Variants in TNS3 observed in about 807,000 individuals in gnomAD.
TNS3 encodes tensin-3.
In TNS3, 45 loss-of-function variants were observed where a neutral mutation model predicts 140.9. That is an observed-to-expected ratio of 0.32 (90% confidence interval 0.25 to 0.41). TNS3 has a LOEUF of 0.41. TNS3 is among the 10% of genes least tolerant of loss of function. The pLI, the probability that TNS3 is intolerant of heterozygous loss-of-function variation, is 1.00. For missense variants in TNS3, 1,716 were observed against 1,906.7 expected, an observed-to-expected ratio of 0.90 and a Z score of 1.86; for synonymous variants, 815 against 788.4, an observed-to-expected ratio of 1.03 and a Z score of -0.56.
intron 4 of TNS3, among the ~76,000 whole-genome samples, chr7:47,475,111 A>T (rs1797139492): frequency 1.3e-5 from 2 of 151,894 alleles, no homozygotes; most frequent in African/African-American, 4.8e-5. Context: ...ACACACAAAC[A>T]CAACATACAC....
At chr7:47,503,489 A>T (rs1473005) in intron 3 of TNS3, among the ~76,000 whole-genome samples, 52,989 of 151,876 alleles carry the variant, frequency 0.35, 10,728 homozygotes, top group Non-Finnish European at 0.46. Flanking sequence ...TGATGCCCAC[A>T]CAGCTCATGT....
chr7:47,520,911 T>C (rs1444615764), intron 2 of TNS3, among the ~76,000 whole-genome samples: 3 of 152,198 alleles, frequency 2.0e-5, no homozygotes, highest in African/African-American at 7.2e-5. Context: ...TGGAAAGAAC[T>C]TTGGAAATAA....
chr7:47,495,802 A>G (rs1028284732), intron 3 of TNS3, among the ~76,000 whole-genome samples: 1 of 152,240 alleles, frequency 6.6e-6, no homozygotes, highest in African/African-American at 2.4e-5. Flanking sequence ...TGCACTGCAT[A>G]TGGTGTCTAA....
intron 13 of TNS3, among the ~76,000 whole-genome samples, chr7:47,402,318 C>T (rs1219720490): frequency 6.6e-6 from 1 of 152,202 alleles, no homozygotes; most frequent in East Asian, 1.9e-4. Flanking sequence ...CTGGCGCTGG[C>T]CAGCGGTGCT....
At chr7:47,533,726 T>G (rs1160194172) in intron 1 of TNS3, among the ~76,000 whole-genome samples, 1 of 152,078 alleles carries the variant, frequency 6.6e-6, no homozygotes, top group African/African-American at 2.4e-5. Flanking sequence ...CGGCAGGTCT[T>G]TCCTGTGCTG....
chr7:47,480,814 C>T (rs1231980314), intron 4 of TNS3, among the ~76,000 whole-genome samples: 1 of 152,174 alleles, frequency 6.6e-6, no homozygotes, highest in Non-Finnish European at 1.5e-5. Flanking sequence ...CACTTTATAG[C>T]CAAGGAAACT....
intron 3 of TNS3, among the ~76,000 whole-genome samples, chr7:47,492,825 C>A (rs1021456151): frequency 2.0e-5 from 3 of 152,252 alleles, no homozygotes; most frequent in Non-Finnish European, 4.4e-5. Flanking sequence ...CCACGCCAGC[C>A]TCATGCTGAG....
intron 17 of TNS3, among the ~76,000 whole-genome samples, chr7:47,350,224 A>G (rs1789584359): frequency 6.6e-6 from 1 of 152,192 alleles, no homozygotes; most frequent in East Asian, 1.9e-4. Context: ...CCTGGGAACA[A>G]GATGGCTACC....
intron 20 of TNS3, among the ~76,000 whole-genome samples, chr7:47,328,135 G>A (rs572177230): frequency 7.2e-4 from 110 of 152,236 alleles, no homozygotes; most frequent in African/African-American, 2.6e-3. Flanking sequence ...CACCCAGGCA[G>A]GGCTCTGTGT....
intron 20 of TNS3, 29 bp downstream of exon 20, chr7:47,344,726 C>T (rs762907439): frequency 6.1e-5 from 97 of 1,596,212 alleles, no homozygotes; most frequent in Non-Finnish European, 7.9e-5. Flanking sequence ...GAGTGCCGCG[C>T]GCCTGTGACC....
chr7:47,479,811 T>TC (rs779570642), intron 4 of TNS3, among the ~76,000 whole-genome samples: 215 of 152,312 alleles, frequency 1.4e-3, no homozygotes, highest in Non-Finnish European at 2.9e-3. Flanking sequence ...GACCCTGTAG[T>TC]CCCTCTTCTC....
intron 4 of TNS3, among the ~76,000 whole-genome samples, chr7:47,445,903 G>A (rs1795705031): frequency 6.6e-6 from 1 of 152,110 alleles, no homozygotes; most frequent in Non-Finnish European, 1.5e-5. Context: ...CCTACACTTG[G>A]GTTGCACAAA....
At chr7:47,526,608 A>T (rs1799201347) in intron 2 of TNS3, among the ~76,000 whole-genome samples, 1 of 152,140 alleles carries the variant, frequency 6.6e-6, no homozygotes, top group South Asian at 2.1e-4. Flanking sequence ...CCTAAATCAG[A>T]CCTGTCCCCA....
At chr7:47,284,740 T>C (rs1001972848) in intron 27 of TNS3, among the ~76,000 whole-genome samples, 1 of 152,224 alleles carries the variant, frequency 6.6e-6, no homozygotes, top group Admixed American at 6.5e-5. Flanking sequence ...TGTCCCTCTA[T>C]GTGAGCATGT....
intron 15 of TNS3, among the ~76,000 whole-genome samples, chr7:47,398,633 T>TA (rs1792971681): frequency 6.6e-6 from 1 of 152,128 alleles, no homozygotes; most frequent in African/African-American, 2.4e-5. Flanking sequence ...CCCTTTATGA[T>TA]AAAAACACTC....
At chr7:47,560,219 G>A (rs980395953) in intron 1 of TNS3, among the ~76,000 whole-genome samples, 3 of 152,006 alleles carry the variant, frequency 2.0e-5, no homozygotes, top group Non-Finnish European at 4.4e-5. Flanking sequence ...GGAGCCTCAG[G>A]ATGGGCTTAG....
chr7:47,531,233 T>C (rs1465468772), intron 1 of TNS3, among the ~76,000 whole-genome samples: 2 of 151,960 alleles, frequency 1.3e-5, no homozygotes, highest in African/African-American at 2.4e-5. Context: ...ATAATAAACC[T>C]GCACATGTAC....
Position 47,481,161 on chromosome 7 carries a change from C to T in TNS3, c.-114-20G>A. 1 of 1,289,510 alleles carries T rather than the reference C, an allele frequency of 7.8e-7. No homozygotes were observed. Among genetic ancestry groups the T allele is most frequent in the Non-Finnish European group, 1.0e-6 (1 of 988,744 alleles). The allele number at this position is 1,289,510 out of a possible 1,614,324, so 79.9% of individuals were successfully genotyped here. A position where few individuals can be genotyped will look rare whatever the true frequency, so the allele number is the denominator to read the frequency against. The stretch of plus-strand genomic sequence containing the variant: ...CACCACCTTTCAAAGAGAGAAGAAA[C>T]AGATAAGCAAATGGATTCTCCAGGA... On this transcript the variant is annotated intron_variant, in intron 3 of 30. Transcript: ENST00000311160.
At chr7:47,441,345 A>G (rs1795457100) in intron 5 of TNS3, among the ~76,000 whole-genome samples, 1 of 151,980 alleles carries the variant, frequency 6.6e-6, no homozygotes, top group Non-Finnish European at 1.5e-5. Flanking sequence ...CACCCAGCTA[A>G]TTTTGTATTT....
Sources: gnomAD v4.1 joint callset for allele counts (sites outside exome capture counted in the v4.1 genomes callset) on GRCh38, gnomAD v4.1.1 for gene constraint, MANE v1.5 for transcripts, NCBI Gene and HGNC (gene_info 2026-07-23, HGNC 2026-07-21) for gene names.